Variants in EXPH5 observed in about 807,000 individuals in gnomAD.
EXPH5 encodes the protein exophilin-5.
Under a neutral mutation model 41.1 loss-of-function variants are expected in EXPH5, and 42 were observed. That is an observed-to-expected ratio of 1.02 (90% CI 0.80 to 1.32). The LOEUF (loss-of-function observed/expected upper bound fraction) is 1.32. EXPH5 is among the 40% of genes most tolerant of loss of function. The probability of loss-of-function intolerance (pLI) is 0.00; values close to 1 mark genes in which losing one functional copy is unlikely to be tolerated. For missense variants in EXPH5, 2,298 were observed against 2,314.5 expected (o/e 0.99, Z 0.15); for synonymous variants, 798 against 833.5 (o/e 0.96, Z 0.73).
At chr11:108,559,281 C>A (rs185390414) in intron 1 of EXPH5, among the ~76,000 whole-genome samples, 1 of 152,176 alleles carries the variant, frequency 6.6e-6, no homozygotes, top group Non-Finnish European at 1.5e-5. Context: ...TTAGCTTTTG[C>A]GTCCCTCTTA....
rs138769983 is a variant in EXPH5, at chr11:108,581,421, T to C, written c.119+11997A>G. Among the ~76,000 whole-genome samples the C allele has an allele frequency of 9.2e-3, 1,394 of 152,264 alleles. 19 individuals carry two copies. The highest frequency in any genetic ancestry group is 0.028 in the Admixed American group (435 of 15,306). ...TGATAAATGTTTGAGATTATGAATA[T>C]GCTAATTATCCAGATCTAATCACCA... is the stretch of plus-strand genomic sequence containing the variant. On this transcript the variant is annotated intron_variant, in intron 1 of 5. Transcript: ENST00000265843.
chr11:108,577,548 C>T (rs1440811349), intron 1 of EXPH5, among the ~76,000 whole-genome samples: 3 of 152,032 alleles, frequency 2.0e-5, no homozygotes, highest in South Asian at 2.1e-4. Context: ...CTCAGCCTCC[C>T]GAGTAGCTGG....
chr11:108,517,773 A>AT (rs912638185), intron 5 of EXPH5, among the ~76,000 whole-genome samples: 34 of 150,108 alleles, frequency 2.3e-4, no homozygotes, highest in African/African-American at 3.2e-4. Context: ...CCTGAGGTTA[A>AT]TTTTTTTTTT....
intron 1 of EXPH5, chr11:108,568,085 C>T (rs1036013531): frequency 3.3e-5 from 5 of 149,458 alleles, no homozygotes; most frequent in Admixed American, 6.8e-5. Context: ...CTGCTGACCC[C>T]GTACCAAAGG....
rs1221988606 is a variant in EXPH5, at chr11:108,507,097, C to T, written c.*2440G>A. 2.0e-5 allele frequency: 3 copies of T among 152,048 alleles called. No individual in the cohort carries two copies. The highest frequency in any genetic ancestry group is 4.4e-5 in the Non-Finnish European group (3 of 68,006). The allele number at this position is 152,048 out of a possible 1,614,324, so 9.4% of individuals were successfully genotyped here. On this transcript the variant is annotated 3_prime_UTR_variant, in exon 6 of 6. Transcript: ENST00000265843. Reference sequence around the variant, plus strand: ...AGAAATAGTGTTATTTATTCTTTACCATACAAATTTGCATTGAAAAGTTCA... The same window carrying T: ...AGAAATAGTGTTATTTATTCTTTACTATACAAATTTGCATTGAAAAGTTCA...
Position 108,538,999 on chromosome 11 carries a change from G to A in EXPH5, c.443+25C>T, listed in dbSNP as rs770793127. 5.2e-6 allele frequency: 8 copies of A among 1,540,770 alleles called. No individual in the cohort carries two copies. The Admixed American group carries it at 5.9e-5, about 11-fold the overall frequency. On this transcript the variant is annotated intron_variant, in intron 3 of 5. Coordinates refer to ENST00000265843, the MANE Select transcript of EXPH5 (RefSeq NM_015065.3). Reference sequence around the variant, plus strand: ...TCTGATATCGGATAACAAATGGGCCGTAACATGACCTGAGTTTAACTCACC... The same window carrying A: ...TCTGATATCGGATAACAAATGGGCCATAACATGACCTGAGTTTAACTCACC...
At chr11:108,605,218 A>G in the EXPH5 span, among the ~76,000 whole-genome samples, 13 of 152,188 alleles carry the variant, frequency 8.5e-5, no homozygotes, top group Non-Finnish European at 1.9e-4. Flanking sequence ...GGTTTTAGCC[A>G]TCATTTCCAT....
chr11:108,592,920 T>C (rs1431365498), intron 1 of EXPH5, among the ~76,000 whole-genome samples: 2 of 152,214 alleles, frequency 1.3e-5, no homozygotes, highest in East Asian at 1.9e-4. Context: ...ACTGCCCGCA[T>C]TGGGTGGGGA....
rs1488989643 is a variant in EXPH5, at chr11:108,510,516, T to A, written c.4991A>T (p.Lys1664Met). 1.9e-6 allele frequency: 3 copies of A among 1,614,216 alleles called. No homozygotes were observed. In the Admixed American group the frequency reaches 5.0e-5, roughly 27 times the overall value. The change falls in exon 6 of 6, where the codon AAG (lysine) becomes ATG (methionine). Residue 1664 changes from lysine (K) to methionine (M), a missense_variant. Lys to Met is a moderately conservative substitution (Grantham distance 95). Coordinates refer to ENST00000265843, the MANE Select transcript of EXPH5 (RefSeq NM_015065.3). ...AAGGTTCTCGGATTTCTTCACATGC[T>A]TTCCGTTCTCACTCAACCTGCTTTC... ...IGESRLSENG[K>M]HVKKSENLLP...
intron 1 of EXPH5, among the ~76,000 whole-genome samples, chr11:108,554,589 T>C (rs758059042): frequency 7.2e-5 from 11 of 152,004 alleles, no homozygotes; most frequent in Non-Finnish European, 1.6e-4. Context: ...GTGGGAATTA[T>C]GTATCACCAC....
intron 4 of EXPH5, among the ~76,000 whole-genome samples, chr11:108,520,298 T>A (rs1204942627): frequency 6.6e-6 from 1 of 152,072 alleles, no homozygotes; most frequent in Non-Finnish European, 1.5e-5. Context: ...TCCCAAACCA[T>A]CCACCACCAC....
chr11:108,516,457 A>G (rs1385244056), intron 5 of EXPH5, among the ~76,000 whole-genome samples: 2 of 152,256 alleles, frequency 1.3e-5, no homozygotes, highest in African/African-American at 4.8e-5. Context: ...GAATAGAATC[A>G]TAATCTTTTG....
intron 3 of EXPH5, among the ~76,000 whole-genome samples, chr11:108,532,478 G>A (rs1218890875): frequency 1.4e-5 from 2 of 140,630 alleles, no homozygotes; most frequent in African/African-American, 5.4e-5. Context: ...ACCTCCTAAA[G>A]TGTTGGGATT....
At chr11:108,559,036 C>T (rs557465295) in intron 1 of EXPH5, among the ~76,000 whole-genome samples, 2 of 152,056 alleles carry the variant, frequency 1.3e-5, no homozygotes, top group South Asian at 2.1e-4. Flanking sequence ...TGATGATAAT[C>T]GTTGAGTAAG....
rs755775962 is a variant in EXPH5 at position 108,511,482 on chromosome 11, G to C, written c.4025C>G (p.Pro1342Arg). 1 of 1,583,980 alleles carries C rather than the reference G, an allele frequency of 6.3e-7. No homozygotes were observed. Among genetic ancestry groups the C allele is most frequent in the Non-Finnish European group, 8.6e-7 (1 of 1,169,014 alleles). ...AACAGAAGCCATTTCCTGTAATGTA[G>C]GAGCTAGGGGCCCCCTATTTGATAA... is the stretch of plus-strand genomic sequence containing the variant. ...FRLSNRGPLA[P>R]TLQEMASVEA... Residue 1342 changes from proline (P) to arginine (R), a missense_variant, in exon 6 of 6, where the codon CCT becomes CGT. By Grantham distance (103) the Pro-to-Arg change is moderately radical (BLOSUM62 -2). Coordinates refer to ENST00000265843, the MANE Select transcript of EXPH5 (RefSeq NM_015065.3).
chr11:108,585,701 G>C (rs2094111045), intron 1 of EXPH5, among the ~76,000 whole-genome samples: 1 of 152,192 alleles, frequency 6.6e-6, no homozygotes, highest in East Asian at 1.9e-4. Flanking sequence ...GGGAAAAACA[G>C]TTTGGCAGTT....
At chr11:108,581,034 T>C (rs1458955630) in intron 1 of EXPH5, among the ~76,000 whole-genome samples, 1 of 152,178 alleles carries the variant, frequency 6.6e-6, no homozygotes, top group African/African-American at 2.4e-5. Context: ...TGGCTGGGCA[T>C]GGTGGCTCAT....
At chr11:108,529,378 GC>G (rs1211863238) in intron 3 of EXPH5, among the ~76,000 whole-genome samples, 1 of 152,108 alleles carries the variant, frequency 6.6e-6, no homozygotes, top group Non-Finnish European at 1.5e-5. Flanking sequence ...TGACACCCAG[GC>G]TGGAGTGTAG....
upstream of EXPH5, among the ~76,000 whole-genome samples, chr11:108,597,829 G>T (rs932823756): frequency 2.0e-5 from 3 of 152,022 alleles, no homozygotes. Context: ...AAAGAAATTT[G>T]TTAAAAAAAA....
Sources: allele counts gnomAD v4.1 joint callset (sites outside exome capture counted in the v4.1 genomes callset), GRCh38; gene constraint gnomAD v4.1.1; transcripts MANE v1.5; gene names NCBI Gene and HGNC (gene_info 2026-07-23, HGNC 2026-07-21).